EFCAB9: variants seen among roughly 807,000 people sequenced by gnomAD.
EFCAB9 encodes the protein EF-hand calcium binding domain 9.
In EFCAB9, 16 loss-of-function variants were observed where a neutral mutation model predicts 15.6. The observed-to-expected ratio is 1.03, with a 90% CI of 0.69 to 1.56. The LOEUF (loss-of-function observed/expected upper bound fraction) is 1.56. EFCAB9 is among the 40% of genes most tolerant of loss of function. EFCAB9 has a pLI of 0.00. For missense variants in EFCAB9, 208 were observed against 235.4 expected (o/e 0.88, Z 0.76); for synonymous variants, 76 against 85.4 (o/e 0.89, Z 0.61).
At chr5:172,196,912 A>G (rs1273403378) in intron 1 of EFCAB9, among the ~76,000 whole-genome samples, 5 of 152,174 alleles carry the variant, frequency 3.3e-5, no homozygotes, top group Admixed American at 6.6e-5. Context: ...TTGAAAATGA[A>G]AACAACAAAA....
At chr5:172,196,595 T>C (rs395641) in intron 1 of EFCAB9, among the ~76,000 whole-genome samples, 152,199 of 152,220 alleles carry the variant, frequency 1, 76,089 homozygotes, top group Middle Eastern at 1. Flanking sequence ...AGGCTGGTCT[T>C]GAACTCGTGA....
rs114584587 is a variant in EFCAB9 at position 172,196,028 on chromosome 5, G to A, written c.136+1720G>A. On this transcript the variant is annotated intron_variant, in intron 1 of 3. Transcript: ENST00000398186. ...CACTATGTTGGCCAGGCTAGTCTCT[G>A]TTGGCCAGGCTAGTCTCGAACTCCT... Among the ~76,000 whole-genome samples the A allele has an allele frequency of 9.3e-3, 1,422 of 152,182 alleles. 30 individuals carry two copies. The highest frequency in any genetic ancestry group is 0.033 in the African/African-American group (1,371 of 41,512).
rs1380971900 is a variant in EFCAB9, at chr5:172,194,232, A to T, written c.60A>T (p.Leu20Phe). ...TCTATCTGGACAAAATATACTGCTTATTATCCGTGAGAAACGTGAAGGCTT... is the reference window on the plus strand; with the variant it reads ...TCTATCTGGACAAAATATACTGCTTTTTATCCGTGAGAAACGTGAAGGCTT... ...WYLYLDKIYC[L>F]LSVRNVKALA... The change falls in exon 1 of 4, where the codon TTA becomes TTT. Residue 20 changes from leucine (L) to phenylalanine (F), a missense_variant. Transcript: ENST00000398186. 6 of 1,537,774 alleles carry T rather than the reference A, an allele frequency of 3.9e-6. 1 individual carries two copies. The South Asian group carries it at 7.1e-5, about 18-fold the overall frequency.
chr5:172,195,039 C>T lies in EFCAB9; in HGVS notation c.136+731C>T, dbSNP rs554953666. ...TAATTATTATTCTTGGGAGCTGAGCCCCACTCAGGCATTAACTCTGGAGAC... is the reference window on the plus strand; with the variant it reads ...TAATTATTATTCTTGGGAGCTGAGCTCCACTCAGGCATTAACTCTGGAGAC... On this transcript the variant is annotated intron_variant, in intron 1 of 3. Coordinates refer to ENST00000398186, the MANE Select transcript of EFCAB9 (RefSeq NM_001171183.2). Among the ~76,000 whole-genome samples the T allele has an allele frequency of 5.3e-5, 8 of 152,030 alleles. No homozygotes were observed. The South Asian group carries it at 1.7e-3, about 32-fold the overall frequency.
At chr5:172,198,119 C>G (rs1771191206) in intron 1 of EFCAB9, among the ~76,000 whole-genome samples, 1 of 152,182 alleles carries the variant, frequency 6.6e-6, no homozygotes, top group Non-Finnish European at 1.5e-5. Flanking sequence ...TTCTCCAAGT[C>G]CCCACTCGAC....
At chr5:172,201,793 G>C (rs1466614342) in intron 3 of EFCAB9, among the ~76,000 whole-genome samples, 1 of 152,078 alleles carries the variant, frequency 6.6e-6, no homozygotes, top group East Asian at 1.9e-4. Context: ...AGGATCGCTT[G>C]AGCCCAGGAG....
intron 1 of EFCAB9, among the ~76,000 whole-genome samples, chr5:172,198,618 T>C (rs1035588185): frequency 1.3e-5 from 2 of 152,144 alleles, no homozygotes; most frequent in African/African-American, 2.4e-5. Context: ...GGAATGACTT[T>C]TGTTGTTGTT....
chr5:172,197,585 A>G (rs1017446841), intron 1 of EFCAB9, among the ~76,000 whole-genome samples: 7 of 152,212 alleles, frequency 4.6e-5, no homozygotes, highest in African/African-American at 1.7e-4. Context: ...AAATGCTAAT[A>G]TAGACTAATT....
intron 3 of EFCAB9, among the ~76,000 whole-genome samples, chr5:172,202,332 CAAAAAAA>C (rs10690291): frequency 6.3e-4 from 46 of 73,346 alleles, no homozygotes; most frequent in Middle Eastern, 9.6e-3. Flanking sequence ...GACTTCATCT[CAAAAAAA>C]AAAAAAAAAA....
In EFCAB9 at chr5:172,198,379, T is replaced by C. The variant is rs191506722; in HGVS notation, c.137-1004T>C. Among the ~76,000 whole-genome samples the C allele has an allele frequency of 2.0e-4, 31 of 152,220 alleles. No individual in the cohort carries two copies. In the East Asian group the frequency reaches 5.8e-3, roughly 28 times the overall value. On this transcript the variant is annotated intron_variant, in intron 1 of 3. Transcript: ENST00000398186. Reference sequence around the variant, plus strand: ...AAAAAATTACCTGGACATGGTGGCATGCACCTGTGGTCCCAGCTACTTGGG... The same window carrying C: ...AAAAAATTACCTGGACATGGTGGCACGCACCTGTGGTCCCAGCTACTTGGG...
chr5:172,202,133 G>A (rs1771264188), intron 3 of EFCAB9, among the ~76,000 whole-genome samples: 3 of 152,114 alleles, frequency 2.0e-5, no homozygotes, highest in African/African-American at 7.2e-5. Flanking sequence ...GAGGACAGGA[G>A]ATCGAGACCA....
In EFCAB9 at chr5:172,200,368, A is replaced by T. The variant is rs192560788; in HGVS notation, c.286-198A>T. Reference sequence around the variant, plus strand: ...TGATTATTACAAGAGGCAGAATTCAAGTTCCTTTTGAATGCAGATGCTGAA... The same window carrying T: ...TGATTATTACAAGAGGCAGAATTCATGTTCCTTTTGAATGCAGATGCTGAA... On this transcript the variant is annotated intron_variant, in intron 2 of 3. Transcript: ENST00000398186. 2.0e-5 allele frequency among the ~76,000 whole-genome samples: 3 copies of T among 152,328 alleles called. No homozygotes were observed. In the East Asian group the frequency reaches 5.8e-4, roughly 29 times the overall value.
intron 1 of EFCAB9, among the ~76,000 whole-genome samples, chr5:172,197,198 C>G (rs892855132): frequency 3.3e-5 from 5 of 152,052 alleles, no homozygotes; most frequent in Non-Finnish European, 5.9e-5. Flanking sequence ...ACCTCTGCCT[C>G]CCGGGTTCAA....
At chr5:172,199,665 G>A (rs1182303034) in intron 2 of EFCAB9, 134 bp downstream of exon 2, 51 of 1,327,992 alleles carry the variant, frequency 3.8e-5, no homozygotes, top group Non-Finnish European at 4.8e-5. Flanking sequence ...TTTGGTTCCC[G>A]AATGGTTCAG....
Position 172,203,261 on chromosome 5 carries a change from C to A in EFCAB9, c.510C>A (p.Asp170Glu), listed in dbSNP as rs928691670. The part of the protein sequence containing the change: ...EFKLYTIIYT[D>E]KLQKRQKTEE... ...AGCTGTATACAATCATCTACACTGACAAATTACAGAAGAGGCAGAAAACAG... is the reference window on the plus strand; with the variant it reads ...AGCTGTATACAATCATCTACACTGAAAAATTACAGAAGAGGCAGAAAACAG... The change falls in exon 4 of 4, where the codon GAC (aspartate) becomes GAA (glutamate). Residue 170 changes from aspartate to glutamate, a missense_variant. By Grantham distance (45) the Asp-to-Glu change is conservative (BLOSUM62 2). Coordinates refer to ENST00000398186, the MANE Select transcript of EFCAB9 (RefSeq NM_001171183.2). The A allele has an allele frequency of 1.3e-6, 2 of 1,536,078 alleles. No homozygotes were observed. Among genetic ancestry groups the A allele is most frequent in the Admixed American group, 2.0e-5 (1 of 50,894 alleles).
intron 3 of EFCAB9, 128 bp from the exon 4 acceptor site, chr5:172,203,086 G>A (rs750662470): frequency 2.2e-6 from 2 of 901,560 alleles, no homozygotes; most frequent in African/African-American, 3.4e-5. Flanking sequence ...CTATAATTAT[G>A]TCCCAATTAC....
chr5:172,197,674 A>G (rs938947888), intron 1 of EFCAB9, among the ~76,000 whole-genome samples: 7 of 152,150 alleles, frequency 4.6e-5, no homozygotes, highest in African/African-American at 1.7e-4. Context: ...CCTGACTTCA[A>G]GATAAAGCCA....
Position 172,199,540 on chromosome 5 carries a change from C to A in EFCAB9, c.285+9C>A. 2.0e-6 allele frequency: 3 copies of A among 1,536,850 alleles called. No individual in the cohort carries two copies. The highest frequency in any genetic ancestry group is 3.4e-4 in the Middle Eastern group (2 of 5,944). ...TGCTGCTGGCCCACCAGGCAAGTAGCCGCGCGGCTGCTGCCATCCTCTTGC... is the reference window on the plus strand; with the variant it reads ...TGCTGCTGGCCCACCAGGCAAGTAGACGCGCGGCTGCTGCCATCCTCTTGC... On this transcript the variant is annotated intron_variant, in intron 2 of 3. Transcript: ENST00000398186.
At chr5:172,202,332 CAAAAAA>C (rs10690291) in intron 3 of EFCAB9, among the ~76,000 whole-genome samples, 27,582 of 72,782 alleles carry the variant, frequency 0.38, 3,088 homozygotes, top group Middle Eastern at 0.46. Flanking sequence ...GACTTCATCT[CAAAAAA>C]AAAAAAAAAA....
Sources: gnomAD v4.1 joint callset for allele counts (sites outside exome capture counted in the v4.1 genomes callset) on GRCh38, gnomAD v4.1.1 for gene constraint, MANE v1.5 for transcripts, NCBI Gene and HGNC (gene_info 2026-07-23, HGNC 2026-07-21) for gene names.